Variants in KLF12 observed in about 807,000 individuals in gnomAD.
KLF12 encodes KLF transcription factor 12.
In KLF12, 9 loss-of-function variants were observed where a neutral mutation model predicts 37.8. That is an observed-to-expected ratio of 0.24 (90% confidence interval 0.14 to 0.42). The LOEUF (loss-of-function observed/expected upper bound fraction) is 0.42. Ranked by LOEUF, KLF12 falls within the 10% of genes least tolerant of loss-of-function variation. KLF12 has a pLI of 1.00. For synonymous variants in KLF12, 208 were observed against 202.1 expected (o/e 1.03, Z -0.25); for missense variants, 411 against 516.0 (o/e 0.80, Z 1.97).
intron 1 of KLF12, among the ~76,000 whole-genome samples, chr13:74,068,385 T>C (rs1048581455): frequency 9.2e-5 from 14 of 152,206 alleles, no homozygotes; most frequent in African/African-American, 3.1e-4. Flanking sequence ...TGTTTACTTC[T>C]CTTTAAAGAA....
intron 3 of KLF12, among the ~76,000 whole-genome samples, chr13:73,885,841 C>G (rs1887196121): frequency 6.6e-6 from 1 of 152,142 alleles, no homozygotes; most frequent in Non-Finnish European, 1.5e-5. Context: ...TTTGTGAAGT[C>G]TGAGCGAACA....
intron 3 of KLF12, among the ~76,000 whole-genome samples, chr13:73,887,539 C>T (rs959919786): frequency 1.3e-5 from 2 of 152,154 alleles, no homozygotes; most frequent in Non-Finnish European, 2.9e-5. Context: ...CTGTAAGGTT[C>T]CCAAGGCCCT....
chr13:74,237,265 T>C, the KLF12 span, among the ~76,000 whole-genome samples: 1 of 135,350 alleles, frequency 7.4e-6, no homozygotes, highest in East Asian at 2.0e-4. Flanking sequence ...TATGCGGCGT[T>C]ATTTCTGAGG....
At chr13:73,875,277 A>C (rs1886651677) in intron 3 of KLF12, among the ~76,000 whole-genome samples, 1 of 152,160 alleles carries the variant, frequency 6.6e-6, no homozygotes, top group African/African-American at 2.4e-5. Flanking sequence ...TTCTCTTTTA[A>C]GGTTACAAAG....
the KLF12 span, among the ~76,000 whole-genome samples, chr13:74,287,349 T>TGAGAGAGAGAGATAGAGAGAGA: frequency 1.0e-3 from 75 of 71,896 alleles, no homozygotes; most frequent in African/African-American, 4.5e-3. Flanking sequence ...CTATCAAAGT[T>TGAGAGAGAGAGATAGAGAGAGA]GAGAGAGAGA....
intron 2 of KLF12, among the ~76,000 whole-genome samples, chr13:73,977,753 G>T (rs562492969): frequency 6.6e-6 from 1 of 152,190 alleles, no homozygotes; most frequent in Non-Finnish European, 1.5e-5. Context: ...AGGACAGTCT[G>T]GTCTTGGCAA....
chr13:74,135,453 A>G (rs1000866143), upstream of KLF12, among the ~76,000 whole-genome samples: 1 of 150,528 alleles, frequency 6.6e-6, no homozygotes, highest in African/African-American at 2.4e-5. Flanking sequence ...CGCCCCGGGG[A>G]GCGGATCCGC....
intron 1 of KLF12, among the ~76,000 whole-genome samples, chr13:74,042,978 G>A (rs1467748777): frequency 6.6e-6 from 1 of 152,092 alleles, no homozygotes; most frequent in Non-Finnish European, 1.5e-5. Context: ...AAAGTTTAGT[G>A]GGGATCTTTC....
At chr13:74,123,856 G>C (rs1362029428) in intron 1 of KLF12, among the ~76,000 whole-genome samples, 1 of 152,106 alleles carries the variant, frequency 6.6e-6, no homozygotes, top group Non-Finnish European at 1.5e-5. Flanking sequence ...TGGCAATTAG[G>C]GTTCTAGTTC....
chr13:73,885,669 A>G (rs563554763), intron 3 of KLF12, among the ~76,000 whole-genome samples: 104 of 152,368 alleles, frequency 6.8e-4, no homozygotes, highest in Non-Finnish European at 1.4e-3. Flanking sequence ...TTCTAGGAAC[A>G]GAGAAAAGCA....
intron 1 of KLF12, among the ~76,000 whole-genome samples, chr13:74,046,171 T>C (rs1893537737): frequency 6.6e-6 from 1 of 152,182 alleles, no homozygotes; most frequent in Non-Finnish European, 1.5e-5. Context: ...TGAACTTTTA[T>C]TTAATGTATC....
the KLF12 span, among the ~76,000 whole-genome samples, chr13:74,269,712 G>A: frequency 4.6e-5 from 7 of 152,096 alleles, no homozygotes; most frequent in Non-Finnish European, 7.4e-5. Flanking sequence ...TATGTGATAG[G>A]AATTCTATTA....
chr13:74,171,739 T>C, the KLF12 span, among the ~76,000 whole-genome samples: 1 of 152,282 alleles, frequency 6.6e-6, no homozygotes, highest in South Asian at 2.1e-4. Flanking sequence ...GTAGGAAATG[T>C]TCAGCTGCTA....
At chr13:73,870,926 T>C (rs887617213) in intron 3 of KLF12, among the ~76,000 whole-genome samples, 2 of 152,108 alleles carry the variant, frequency 1.3e-5, no homozygotes, top group Admixed American at 1.3e-4. Context: ...CTGGGATCAG[T>C]GGGGGGCAGG....
chr13:74,249,678 G>GT, the KLF12 span, among the ~76,000 whole-genome samples: 8 of 152,238 alleles, frequency 5.3e-5, no homozygotes, highest in African/African-American at 1.9e-4. Flanking sequence ...TGATAGTGGT[G>GT]TTTTTTTAAA....
At chr13:73,962,310 G>C (rs1891044863) in intron 2 of KLF12, among the ~76,000 whole-genome samples, 1 of 152,160 alleles carries the variant, frequency 6.6e-6, no homozygotes, top group Non-Finnish European at 1.5e-5. Context: ...AAATGATCAA[G>C]AGATGCCAGG....
the KLF12 span, among the ~76,000 whole-genome samples, chr13:74,289,717 A>G: frequency 6.6e-6 from 1 of 152,236 alleles, no homozygotes; most frequent in Non-Finnish European, 1.5e-5. Context: ...TACATTCTAT[A>G]TAGAATGATT....
At chr13:74,113,075 C>T (rs1877075057) in intron 1 of KLF12, among the ~76,000 whole-genome samples, 1 of 152,184 alleles carries the variant, frequency 6.6e-6, no homozygotes, top group African/African-American at 2.4e-5. Context: ...AAGCTCCTAA[C>T]TCTCTTTAAT....
chr13:73,969,717 T>C (rs1246917938), intron 2 of KLF12, among the ~76,000 whole-genome samples: 2 of 152,198 alleles, frequency 1.3e-5, no homozygotes, highest in Non-Finnish European at 2.9e-5. Context: ...CTTGGCACCA[T>C]GCACAACTAC....
Sources: gnomAD v4.1 joint callset for allele counts (sites outside exome capture counted in the v4.1 genomes callset) on GRCh38, gnomAD v4.1.1 for gene constraint, MANE v1.5 for transcripts, NCBI Gene and HGNC (gene_info 2026-07-23, HGNC 2026-07-21) for gene names.